ZC3H6: variants seen among roughly 807,000 people sequenced by gnomAD.
ZC3H6 encodes the protein zinc finger CCCH-type containing 6, also known as zinc finger CCCH domain-containing protein 6.
Under a neutral mutation model 107.7 loss-of-function variants are expected in ZC3H6, and 40 were observed. The observed-to-expected ratio is 0.37, with a 90% CI of 0.29 to 0.48. The LOEUF (loss-of-function observed/expected upper bound fraction) is 0.48. Ranked by LOEUF, ZC3H6 falls within the 20% of genes least tolerant of loss-of-function variation. ZC3H6 has a pLI of 0.98. For missense variants in ZC3H6, 1,267 were observed against 1,410.4 expected (o/e 0.90, Z 1.63); for synonymous variants, 493 against 487.9 (o/e 1.01, Z -0.14).
In ZC3H6 at chr2:112,276,092, GC is replaced by G. The variant is rs1686412516; in HGVS notation, c.32+68del. 1.4e-5 allele frequency: 20 copies of G among 1,473,158 alleles called. No individual in the cohort carries two copies. The Admixed American group carries it at 2.7e-4, about 20-fold the overall frequency. 91.3% of individuals were successfully genotyped at this position (1,473,158 alleles called of 1,614,324 possible). A position where few individuals can be genotyped will look rare whatever the true frequency, so the allele number is the denominator to read the frequency against. ...GAGGGGTCTGGGGCGGCGGGAGCGGGCCGGGGCCGGGCGCCTCCTGCATGAC... is the reference window on the plus strand; with the variant it reads ...GAGGGGTCTGGGGCGGCGGGAGCGGGCGGGGCCGGGCGCCTCCTGCATGAC... On this transcript the variant is annotated intron_variant, in intron 1 of 11. Transcript: ENST00000409871.
Position 112,331,945 on chromosome 2 carries a change from A to G in ZC3H6, c.3027A>G (p.Ser1009=), listed in dbSNP as rs746324734. The G allele has an allele frequency of 4.3e-6, 7 of 1,613,872 alleles. No homozygotes were observed. The highest frequency in any genetic ancestry group is 5.1e-6 in the Non-Finnish European group (6 of 1,179,884). ...PRSNPGSSQP[S]GAGTSNSGSG... ...CAAACCCTGGTTCATCACAGCCCTC[A>G]GGGGCAGGAACTAGCAATTCTGGTT... Residue 1009 remains serine (S), a synonymous_variant, in exon 12 of 12, where the codon TCA becomes TCG. Coordinates refer to ENST00000409871, the MANE Select transcript of ZC3H6 (RefSeq NM_198581.3).
chr2:112,321,433 G>A (rs76184111), intron 7 of ZC3H6, among the ~76,000 whole-genome samples: 9,449 of 151,734 alleles, frequency 0.062, 381 homozygotes, highest in Admixed American at 0.11. Flanking sequence ...GAATGTTTTT[G>A]TATAATTAAA....
chr2:112,319,001 G>T (rs1224512384), intron 7 of ZC3H6, among the ~76,000 whole-genome samples: 2 of 152,114 alleles, frequency 1.3e-5, no homozygotes, highest in Non-Finnish European at 2.9e-5. Context: ...AAAAGGGAAA[G>T]GGGAACTTCT....
Position 112,275,609 on chromosome 2 carries a change from A to AGCCGCCTGTTTCGGGT in ZC3H6, c.-379_-364dup. ...TGTTGCGGCCGGCGCCATTTTCTCG[A>AGCCGCCTGTTTCGGGT]GCCGCCTGTTTCGGGTGCCGCCATG... On this transcript the variant is annotated 5_prime_UTR_variant, in exon 1 of 12. Coordinates refer to ENST00000409871, the MANE Select transcript of ZC3H6 (RefSeq NM_198581.3). 2.5e-6 allele frequency: 1 copy of AGCCGCCTGTTTCGGGT among 401,020 alleles called. No individual in the cohort carries two copies. Among genetic ancestry groups the AGCCGCCTGTTTCGGGT allele is most frequent in the Non-Finnish European group, 4.4e-6 (1 of 226,778 alleles). 24.8% of individuals were successfully genotyped at this position (401,020 alleles called of 1,614,324 possible).
intron 1 of ZC3H6, among the ~76,000 whole-genome samples, chr2:112,290,784 T>C (rs1161828157): frequency 1.3e-5 from 2 of 152,266 alleles, no homozygotes; most frequent in Non-Finnish European, 2.9e-5. Context: ...ACTTGCACAG[T>C]AGTACTTTGT....
intron 1 of ZC3H6, among the ~76,000 whole-genome samples, chr2:112,292,114 C>T (rs1378416007): frequency 1.3e-5 from 2 of 152,174 alleles, no homozygotes; most frequent in Admixed American, 1.3e-4. Context: ...AAAGCACAGA[C>T]ATTGCTTAAC....
At chr2:112,282,477 T>C (rs1686545266) in intron 1 of ZC3H6, among the ~76,000 whole-genome samples, 1 of 152,188 alleles carries the variant, frequency 6.6e-6, no homozygotes, top group Admixed American at 6.5e-5. Context: ...ATGAATTGTT[T>C]AATCCTCACA....
intron 2 of ZC3H6, among the ~76,000 whole-genome samples, chr2:112,301,697 A>G (rs1251326048): frequency 2.0e-5 from 3 of 152,168 alleles, no homozygotes; most frequent in Non-Finnish European, 2.9e-5. Flanking sequence ...TAAGAAAACA[A>G]TATAAGCTAT....
At chr2:112,276,113 C>A in intron 1 of ZC3H6, 87 bp downstream of exon 1, 2 of 1,255,848 alleles carry the variant, frequency 1.6e-6, no homozygotes, top group Non-Finnish European at 2.2e-6. Flanking sequence ...GCGCCTCCTG[C>A]ATGACCTAGA....
At chr2:112,329,123 G>C (rs1053563309) in intron 11 of ZC3H6, among the ~76,000 whole-genome samples, 1 of 152,024 alleles carries the variant, frequency 6.6e-6, no homozygotes, top group African/African-American at 2.4e-5. Flanking sequence ...ACTTGTGTTT[G>C]TGTTAATTTT....
intron 1 of ZC3H6, among the ~76,000 whole-genome samples, chr2:112,277,585 G>A (rs1050116357): frequency 2.0e-5 from 3 of 152,096 alleles, no homozygotes; most frequent in Non-Finnish European, 2.9e-5. Context: ...CTGGTTTAGA[G>A]GTTAGAAAAC....
intron 1 of ZC3H6, among the ~76,000 whole-genome samples, chr2:112,285,241 A>G (rs1038803384): frequency 5.9e-5 from 9 of 152,200 alleles, no homozygotes; most frequent in African/African-American, 1.9e-4. Context: ...ATTAATGTAC[A>G]TTTATACTTC....
rs1190908103 is a variant in ZC3H6 at position 112,331,570 on chromosome 2, A to G, written c.2652A>G (p.Leu884=). The change falls in exon 12 of 12, where the codon TTA becomes TTG. Residue 884 remains leucine, a synonymous_variant. Coordinates refer to ENST00000409871, the MANE Select transcript of ZC3H6 (RefSeq NM_198581.3). Reference sequence around the variant, plus strand: ...ACATCGTGTGGGCTCCCGAAGACTTACTTCCAGTACCTTTACCTAAACCTG... The same window carrying G: ...ACATCGTGTGGGCTCCCGAAGACTTGCTTCCAGTACCTTTACCTAAACCTG... The part of the protein sequence containing the change: ...AKHIVWAPED[L]LPVPLPKPDP... 1 of 1,613,990 alleles carries G rather than the reference A, an allele frequency of 6.2e-7. No individual in the cohort carries two copies.
chr2:112,331,265 T>G lies in ZC3H6; in HGVS notation c.2347T>G (p.Trp783Gly), dbSNP rs369698134. 5.0e-6 allele frequency: 8 copies of G among 1,613,664 alleles called. No homozygotes were observed. Among genetic ancestry groups the G allele is most frequent in the Non-Finnish European group, 5.9e-6 (7 of 1,179,886 alleles). The change falls in exon 12 of 12, where the codon TGG becomes GGG. Residue 783 changes from tryptophan to glycine, a missense_variant. Trp to Gly is a radical substitution (Grantham distance 184). Around this residue, in one of 3 missense-constraint regions of ZC3H6, gnomAD observed 925 missense variants for 1,025.7 expected, o/e 0.90. Coordinates refer to ENST00000409871, the MANE Select transcript of ZC3H6 (RefSeq NM_198581.3). ...ESAPLDLRLA[W>G]DPRKLRGNGS... Reference sequence around the variant, plus strand: ...TGCCCCACTGGATCTTAGACTTGCGTGGGATCCCAGGAAATTGAGAGGGAA... The same window carrying G: ...TGCCCCACTGGATCTTAGACTTGCGGGGGATCCCAGGAAATTGAGAGGGAA...
Position 112,331,223 on chromosome 2 carries a change from A to G in ZC3H6, c.2305A>G (p.Arg769Gly). The G allele has an allele frequency of 1.2e-6, 2 of 1,613,392 alleles. No homozygotes were observed. The highest frequency in any genetic ancestry group is 1.7e-6 in the Non-Finnish European group (2 of 1,179,732). The stretch of plus-strand genomic sequence containing the variant: ...TAGGACTATCCCAAGGCAAGACATT[A>G]GAAAGCCTTCTGAGTCTGCCCCACT... The part of the protein sequence containing the change: ...RLRTIPRQDI[R>G]KPSESAPLDL... Residue 769 changes from arginine to glycine, a missense_variant, in exon 12 of 12, where the codon AGA becomes GGA. This residue lies in a region of ZC3H6 where 925 missense variants were observed against 1,025.7 expected (regional missense o/e 0.90). Coordinates refer to ENST00000409871, the MANE Select transcript of ZC3H6 (RefSeq NM_198581.3).
Position 112,275,599 on chromosome 2 carries a change from C to A in ZC3H6, c.-396C>A. The stretch of plus-strand genomic sequence containing the variant: ...CCGGGCAAGGTGTTGCGGCCGGCGC[C>A]ATTTTCTCGAGCCGCCTGTTTCGGG... On this transcript the variant is annotated 5_prime_UTR_variant, in exon 1 of 12. Coordinates refer to ENST00000409871, the MANE Select transcript of ZC3H6 (RefSeq NM_198581.3). 1 of 401,410 alleles carries A rather than the reference C, an allele frequency of 2.5e-6. No individual in the cohort carries two copies. The highest frequency in any genetic ancestry group is 1.1e-4 in the South Asian group (1 of 9,118). The allele number at this position is 401,410 out of a possible 1,614,324, so 24.9% of individuals were successfully genotyped here.
At position 112,299,766 on chromosome 2, in the gene ZC3H6, G is replaced by GC. The variant is rs1267251531; in HGVS notation, c.33-82dup. Reference sequence around the variant, plus strand: ...TAAATGAATATAACATAAATCCTTGGCATATGCTTTTTTTCTTTTGAAAAT... The same window carrying GC: ...TAAATGAATATAACATAAATCCTTGGCCATATGCTTTTTTTCTTTTGAAAAT... On this transcript the variant is annotated intron_variant, in intron 1 of 11. Transcript: ENST00000409871. 3.7e-6 allele frequency: 4 copies of GC among 1,084,558 alleles called. No individual in the cohort carries two copies. The African/African-American group carries it at 4.9e-5, about 13-fold the overall frequency. The allele number at this position is 1,084,558 out of a possible 1,614,324, so 67.2% of individuals were successfully genotyped here. A position where few individuals can be genotyped will look rare whatever the true frequency, so the allele number is the denominator to read the frequency against.
intron 1 of ZC3H6, among the ~76,000 whole-genome samples, chr2:112,289,099 C>T (rs77865676): frequency 0.2 from 26,624 of 134,998 alleles, no homozygotes; most frequent in East Asian, 0.31. Flanking sequence ...CCCTGTTGCC[C>T]AGGCTGGAGT....
At chr2:112,301,742 A>C (rs561819826) in intron 2 of ZC3H6, among the ~76,000 whole-genome samples, 5 of 152,130 alleles carry the variant, frequency 3.3e-5, no homozygotes, top group Non-Finnish European at 5.9e-5. Flanking sequence ...AAAACAAAAC[A>C]AAACCAAAAG....
Sources: gnomAD v4.1 joint callset for allele counts (sites outside exome capture counted in the v4.1 genomes callset) on GRCh38, gnomAD v4.1.1 for gene constraint, gnomAD v4.1.1 regional missense constraint, MANE v1.5 for transcripts, NCBI Gene and HGNC (gene_info 2026-07-23, HGNC 2026-07-21) for gene names.